The following MORC1 variants were observed in gnomAD, a reference collection of about 807,000 sequenced individuals.
MORC1 encodes the protein MORC family CW-type zinc finger protein 1.
A neutral mutation model predicts 134.9 loss-of-function variants in MORC1; 59 were observed. That is an observed-to-expected ratio of 0.44 (90% CI 0.35 to 0.54). The LOEUF (loss-of-function observed/expected upper bound fraction) is 0.54, where lower values mean the gene tolerates loss of function less well. Ranked by LOEUF, MORC1 falls within the 20% of genes least tolerant of loss-of-function variation. MORC1 has a pLI of 0.00. For missense variants in MORC1, 947 were observed against 1,134.5 expected (o/e 0.83, Z 2.37); for synonymous variants, 395 against 391.7 (o/e 1.01, Z -0.10).
At chr3:109,066,186 A>G (rs1460501011) in intron 9 of MORC1, among the ~76,000 whole-genome samples, 1 of 152,228 alleles carries the variant, frequency 6.6e-6, no homozygotes, top group Non-Finnish European at 1.5e-5. Context: ...AATTTAAAAA[A>G]AAGAATTACC....
chr3:109,049,578 C>T (rs1458756261), intron 14 of MORC1, among the ~76,000 whole-genome samples: 1 of 152,068 alleles, frequency 6.6e-6, no homozygotes, highest in Non-Finnish European at 1.5e-5. Context: ...AAGAATGAGG[C>T]CTAATAAGGC....
At chr3:109,058,359 T>C (rs1188419220) in intron 12 of MORC1, among the ~76,000 whole-genome samples, 1 of 152,070 alleles carries the variant, frequency 6.6e-6, no homozygotes, top group Non-Finnish European at 1.5e-5. Context: ...CTGGAACAGA[T>C]TAGGTATATA....
intron 17 of MORC1, among the ~76,000 whole-genome samples, chr3:109,011,397 A>G (rs992220091): frequency 6.6e-5 from 10 of 152,274 alleles, no homozygotes; most frequent in African/African-American, 2.2e-4. Flanking sequence ...AGTTCCCTTA[A>G]TGATTAACGA....
At chr3:109,090,471 T>C (rs971786921) in intron 8 of MORC1, among the ~76,000 whole-genome samples, 2 of 151,728 alleles carry the variant, frequency 1.3e-5, no homozygotes, top group South Asian at 2.1e-4. Context: ...TACAAAACAA[T>C]TAGCCTGGAG....
chr3:108,998,577 T>C (rs1453567889), intron 21 of MORC1, among the ~76,000 whole-genome samples: 1 of 152,126 alleles, frequency 6.6e-6, no homozygotes, highest in Non-Finnish European at 1.5e-5. Context: ...CACTCACACG[T>C]GCACACAGAC....
At position 108,969,701 on chromosome 3, in the gene MORC1, T is replaced by C. The variant is rs1333702142; in HGVS notation, c.2572A>G (p.Met858Val). The change falls in exon 26 of 28, where the codon ATG (methionine) becomes GTG (valine). Residue 858 changes from methionine to valine, a missense_variant. Physicochemically the swap from Met to Val is conservative, Grantham distance 21. Transcript: ENST00000232603. ...AAACACATTTTCAGCTTTTTGTTCA[T>C]CTGCTCTGGGCACTGCTCCAGCTGT... ...SCELEQCPEQMNKKLKMCFNQ... is the reference protein window; with the variant it reads ...SCELEQCPEQVNKKLKMCFNQ... 6.2e-7 allele frequency: 1 copy of C among 1,613,868 alleles called. No individual in the cohort carries two copies. Among genetic ancestry groups the C allele is most frequent in the Admixed American group, 1.7e-5 (1 of 60,016 alleles).
chr3:109,103,002 C>T (rs1009983561), intron 4 of MORC1, among the ~76,000 whole-genome samples: 3 of 152,106 alleles, frequency 2.0e-5, no homozygotes, highest in Admixed American at 2.0e-4. Context: ...CAAGGGGAAA[C>T]TTCAGAGCTG....
chr3:109,111,752 C>G (rs1213276351), intron 2 of MORC1, among the ~76,000 whole-genome samples: 1 of 152,112 alleles, frequency 6.6e-6, no homozygotes, highest in African/African-American at 2.4e-5. Context: ...GTGGGGAAAC[C>G]TGAGCGTCTC....
At chr3:109,116,537 G>A (rs781127430) in intron 1 of MORC1, among the ~76,000 whole-genome samples, 37 of 152,220 alleles carry the variant, frequency 2.4e-4, no homozygotes, top group Non-Finnish European at 4.6e-4. Context: ...CCGGGAGGCC[G>A]AAGTGGGAGG....
rs570202763 is a variant in MORC1, at chr3:109,040,451, A to G, written c.1331-4983T>C. On this transcript the variant is annotated intron_variant, in intron 14 of 27. Coordinates refer to ENST00000232603, the MANE Select transcript of MORC1 (RefSeq NM_014429.4). ...AGGAAAGAAAGAAAGAAAGAAAGAA[A>G]GAAAGAAAGAAAGAAAGAAAGAAAG... Among the ~76,000 whole-genome samples, 323 of 142,620 alleles carry G rather than the reference A, an allele frequency of 2.3e-3. 6 individuals carry two copies. The highest frequency in any genetic ancestry group is 6.9e-3 in the African/African-American group (262 of 37,994). The allele number at this position is 142,620 out of a possible 152,430, so 93.6% of individuals were successfully genotyped here. A position where few individuals can be genotyped will look rare whatever the true frequency, so the allele number is the denominator to read the frequency against.
chr3:108,964,027 G>A (rs1363704456), intron 26 of MORC1, among the ~76,000 whole-genome samples: 1 of 152,188 alleles, frequency 6.6e-6, no homozygotes, highest in East Asian at 1.9e-4. Flanking sequence ...CACCACTTGG[G>A]GCTGTCTGGC....
At chr3:109,031,806 A>G (rs1212869282) in intron 16 of MORC1, among the ~76,000 whole-genome samples, 1 of 152,088 alleles carries the variant, frequency 6.6e-6, no homozygotes, top group Non-Finnish European at 1.5e-5. Flanking sequence ...GCATTTATCT[A>G]CTTATTTTTG....
At chr3:109,095,525 T>C (rs1302872651) in intron 6 of MORC1, among the ~76,000 whole-genome samples, 1 of 152,094 alleles carries the variant, frequency 6.6e-6, no homozygotes, top group Non-Finnish European at 1.5e-5. Flanking sequence ...ATAAGTAGCA[T>C]TTAGATCCCC....
At chr3:108,987,029 G>T (rs1387465621) in intron 21 of MORC1, 80 bp from the exon 22 acceptor site, 1 of 1,050,804 alleles carries the variant, frequency 9.5e-7, no homozygotes, top group East Asian at 2.6e-5. Flanking sequence ...TTGAAAAGCA[G>T]TGTCCCCAGC....
At chr3:109,085,277 A>G (rs1950596446) in intron 8 of MORC1, among the ~76,000 whole-genome samples, 1 of 152,112 alleles carries the variant, frequency 6.6e-6, no homozygotes, top group Non-Finnish European at 1.5e-5. Context: ...ATCAAGCTAA[A>G]AAGTTTCTGC....
chr3:109,014,992 T>A (rs761317782), intron 17 of MORC1, among the ~76,000 whole-genome samples: 14 of 152,118 alleles, frequency 9.2e-5, no homozygotes, highest in South Asian at 4.1e-4. Context: ...TTCAAGCGAT[T>A]CTCCTGCCTC....
intron 17 of MORC1, among the ~76,000 whole-genome samples, chr3:109,014,827 G>A (rs1948778991): frequency 6.6e-6 from 1 of 152,130 alleles, no homozygotes; most frequent in Non-Finnish European, 1.5e-5. Context: ...GAAAAACACA[G>A]CAAAGATGTA....
chr3:109,069,505 T>C, intron 9 of MORC1, 127 bp downstream of exon 9: 1 of 955,938 alleles, frequency 1.0e-6, no homozygotes, highest in Non-Finnish European at 1.5e-6. Flanking sequence ...CTGGATGTGG[T>C]TTAAATTTTG....
intron 17 of MORC1, among the ~76,000 whole-genome samples, chr3:109,022,941 A>G (rs1359258444): frequency 6.6e-6 from 1 of 152,258 alleles, no homozygotes; most frequent in Non-Finnish European, 1.5e-5. Context: ...TAAAGTGACT[A>G]TAATACCAGG....
Sources: allele counts gnomAD v4.1 joint callset (sites outside exome capture counted in the v4.1 genomes callset), GRCh38; gene constraint gnomAD v4.1.1; transcripts MANE v1.5; gene names NCBI Gene and HGNC (gene_info 2026-07-23, HGNC 2026-07-21).